The following PPA2 variants were observed in gnomAD, a reference collection of about 807,000 sequenced individuals.
PPA2 encodes inorganic pyrophosphatase 2, also known as inorganic pyrophosphatase 2, mitochondrial.
In PPA2, 48 loss-of-function variants were observed where a neutral mutation model predicts 49.5. The ratio of observed to expected loss-of-function variants is 0.97; its 90% CI spans 0.77 to 1.23. PPA2 has a LOEUF of 1.23. PPA2 is among the 50% of genes most tolerant of loss of function. The pLI, the probability that PPA2 is intolerant of heterozygous loss-of-function variation, is 0.00. For synonymous variants in PPA2, 131 were observed against 139.9 expected (o/e 0.94, Z 0.45); for missense variants, 429 against 410.1 (o/e 1.05, Z -0.40).
chr4:105,462,356 C>A (rs1723128179), intron 1 of PPA2, among the ~76,000 whole-genome samples: 1 of 152,192 alleles, frequency 6.6e-6, no homozygotes, highest in Admixed American at 6.5e-5. Flanking sequence ...AAGCTATTGC[C>A]AATTTGCTTT....
rs185954079 is a variant in PPA2 at position 105,457,108 on chromosome 4, C to T, written c.158-363G>A. ...AAGTGAATTCTATTAAAACTGATGT[C>T]AATTTCCCTTGGGGAAACTTAACAA... On this transcript the variant is annotated intron_variant, in intron 1 of 11. Transcript: ENST00000341695. Among the ~76,000 whole-genome samples the T allele has an allele frequency of 2.0e-5, 3 of 152,026 alleles. No individual in the cohort carries two copies. The East Asian group carries it at 5.8e-4, about 29-fold the overall frequency.
chr4:105,391,924 G>T (rs955091069), intron 9 of PPA2, among the ~76,000 whole-genome samples: 2 of 152,148 alleles, frequency 1.3e-5, no homozygotes, highest in African/African-American at 4.8e-5. Flanking sequence ...TATGAGTAAA[G>T]AAATGCTAAG....
intron 5 of PPA2, among the ~76,000 whole-genome samples, chr4:105,445,208 G>A (rs1296743702): frequency 6.6e-6 from 1 of 152,082 alleles, no homozygotes; most frequent in African/African-American, 2.4e-5. Context: ...CTCTGTTTTT[G>A]TCTGTCTCTA....
At chr4:105,446,228 A>T in intron 5 of PPA2, 155 bp downstream of exon 5, 1 of 690,842 alleles carries the variant, frequency 1.4e-6, no homozygotes, top group Non-Finnish European at 2.2e-6. Flanking sequence ...ATTTATTGAT[A>T]TACTAAAACT....
Position 105,398,959 on chromosome 4 carries a change from A to G in PPA2, c.783+78T>C. On this transcript the variant is annotated intron_variant, in intron 8 of 11. Coordinates refer to ENST00000341695, the MANE Select transcript of PPA2 (RefSeq NM_176869.3). Reference sequence around the variant, plus strand: ...AACCATGCTATATATACATATTCACATAAGAAACTTCCCAAGTGAAACGAA... The same window carrying G: ...AACCATGCTATATATACATATTCACGTAAGAAACTTCCCAAGTGAAACGAA... 6 of 1,487,822 alleles carry G rather than the reference A, an allele frequency of 4.0e-6. No individual in the cohort carries two copies. In the South Asian group the frequency reaches 5.1e-5, roughly 13 times the overall value. 92.2% of individuals were successfully genotyped at this position (1,487,822 alleles called of 1,614,324 possible).
chr4:105,446,725 C>T (rs1046329661), intron 4 of PPA2, among the ~76,000 whole-genome samples: 1 of 152,112 alleles, frequency 6.6e-6, no homozygotes, highest in Non-Finnish European at 1.5e-5. Context: ...TATATTTAGT[C>T]ACTCTATTAT....
At chr4:105,456,343 T>G (rs1312520865) in intron 2 of PPA2, 1 of 438,058 alleles carries the variant, frequency 2.3e-6, no homozygotes, top group African/African-American at 2.1e-5. Flanking sequence ...CATGTTCACA[T>G]AGTGGCTAGC....
chr4:105,397,990 G>C (rs925409491), intron 8 of PPA2, among the ~76,000 whole-genome samples: 25 of 152,038 alleles, frequency 1.6e-4, no homozygotes, highest in African/African-American at 6.0e-4. Context: ...AATAGCAGTA[G>C]TAAAAAGCAA....
chr4:105,455,095 G>A (rs1381552352), intron 2 of PPA2, among the ~76,000 whole-genome samples: 1 of 152,090 alleles, frequency 6.6e-6, no homozygotes, highest in Non-Finnish European at 1.5e-5. Flanking sequence ...TCCTCCAATT[G>A]AGTGGACTAT....
At chr4:105,439,289 T>C (rs1724223839) in intron 5 of PPA2, among the ~76,000 whole-genome samples, 1 of 152,224 alleles carries the variant, frequency 6.6e-6, no homozygotes, top group Non-Finnish European at 1.5e-5. Context: ...AAGATTGTAT[T>C]AGAACTCATG....
chr4:105,466,859 T>A (rs995521091), intron 1 of PPA2, among the ~76,000 whole-genome samples: 5 of 152,166 alleles, frequency 3.3e-5, no homozygotes, highest in African/African-American at 1.2e-4. Flanking sequence ...TTACTGGAGT[T>A]GTACGCGTGT....
chr4:105,453,957 T>C lies in PPA2; in HGVS notation c.223-315A>G, dbSNP rs901334749. On this transcript the variant is annotated intron_variant, in intron 2 of 11. Transcript: ENST00000341695. ...AGAAAAGACTGGTAGTTTCCAGTGA[T>C]TATGCTTAAAACAGTCATTTCATTA... The C allele has an allele frequency of 1.4e-5, 3 of 219,952 alleles. No homozygotes were observed. The Admixed American group carries it at 1.7e-4, about 13-fold the overall frequency. The allele number at this position is 219,952 out of a possible 1,614,324, so 13.6% of individuals were successfully genotyped here.
At chr4:105,427,880 C>A (rs1578851241) in intron 6 of PPA2, among the ~76,000 whole-genome samples, 1 of 152,092 alleles carries the variant, frequency 6.6e-6, no homozygotes, top group East Asian at 1.9e-4. Flanking sequence ...GAAGAGCAAC[C>A]CCAACATACA....
intron 7 of PPA2, among the ~76,000 whole-genome samples, chr4:105,411,690 G>A (rs191755451): frequency 6.6e-6 from 1 of 151,984 alleles, no homozygotes; most frequent in Non-Finnish European, 1.5e-5. Context: ...TTTAGAAAAC[G>A]CCATCATCTC....
chr4:105,395,105 G>A (rs774000112), intron 9 of PPA2, among the ~76,000 whole-genome samples: 2 of 151,900 alleles, frequency 1.3e-5, no homozygotes, highest in Non-Finnish European at 2.9e-5. Flanking sequence ...CTCTGCATAC[G>A]AGGTAAGAAA....
At chr4:105,375,422 G>A (rs1733210312) in intron 10 of PPA2, among the ~76,000 whole-genome samples, 1 of 151,846 alleles carries the variant, frequency 6.6e-6, no homozygotes. Context: ...ATTCCCATAA[G>A]GATGTTCATT....
intron 7 of PPA2, among the ~76,000 whole-genome samples, chr4:105,401,886 G>GA (rs1286084943): frequency 1.2e-4 from 18 of 152,190 alleles, no homozygotes; most frequent in Non-Finnish European, 1.5e-5. Flanking sequence ...ACTCTAGAAT[G>GA]AAGCCCACAC....
chr4:105,369,732 C>A lies in PPA2; in HGVS notation c.998G>T (p.Gly333Val). ...GAATTTCAGATGTTTCAATCACTTG[C>A]CAAGGAAGTGCCACACTTGCTCTGC... ...NEEEQVWHFL[G>V]K The change falls in exon 12 of 12, where the codon GGC (glycine) becomes GTC (valine). Residue 333 changes from glycine to valine, a missense_variant. By Grantham distance (109) the Gly-to-Val change is moderately radical. Coordinates refer to ENST00000341695, the MANE Select transcript of PPA2 (RefSeq NM_176869.3). 1 of 1,591,722 alleles carries A rather than the reference C, an allele frequency of 6.3e-7. No homozygotes were observed. The highest frequency in any genetic ancestry group is 8.6e-7 in the Non-Finnish European group (1 of 1,159,904).
intron 7 of PPA2, among the ~76,000 whole-genome samples, chr4:105,416,634 A>G (rs1723022885): frequency 6.6e-6 from 1 of 152,192 alleles, no homozygotes; most frequent in African/African-American, 2.4e-5. Context: ...ATTTAATAAC[A>G]TTCATTGTAG....
Sources: gnomAD v4.1 joint callset for allele counts (sites outside exome capture counted in the v4.1 genomes callset) on GRCh38, gnomAD v4.1.1 for gene constraint, MANE v1.5 for transcripts, NCBI Gene and HGNC (gene_info 2026-07-23, HGNC 2026-07-21) for gene names.